Variants in CABLES1 observed in about 807,000 individuals in gnomAD.
CABLES1 encodes the protein Cdk5 and Abl enzyme substrate 1, also known as CDK5 and ABL1 enzyme substrate 1.
A neutral mutation model predicts 57.8 loss-of-function variants in CABLES1; 36 were observed. That is an observed-to-expected ratio of 0.62 (90% CI 0.48 to 0.82). CABLES1 has a LOEUF of 0.82. CABLES1 is among the 40% of genes least tolerant of loss of function. CABLES1 has a pLI of 0.00. For missense variants in CABLES1, 767 were observed against 836.6 expected, an observed-to-expected ratio of 0.92 and a Z score of 1.03; for synonymous variants, 374 against 363.0, an observed-to-expected ratio of 1.03 and a Z score of -0.35.
intron 1 of CABLES1, among the ~76,000 whole-genome samples, chr18:23,165,774 T>G (rs1292107935): frequency 1.3e-5 from 2 of 152,234 alleles, no homozygotes; most frequent in Admixed American, 1.3e-4. Context: ...CTTGGTTGCT[T>G]CCACTTTTCA....
At chr18:23,145,644 A>G (rs1038811371) in intron 1 of CABLES1, among the ~76,000 whole-genome samples, 1 of 152,220 alleles carries the variant, frequency 6.6e-6, no homozygotes, top group Non-Finnish European at 1.5e-5. Flanking sequence ...TTAGTATTAC[A>G]TACGGGAATC....
At position 23,191,906 on chromosome 18, in the gene CABLES1, T is replaced by TAAAA. The variant is rs147984743; in HGVS notation, c.918-2510_918-2507dup. ...TTCCCTGGTGATTTGGTTGAATGCTTAAAAAAAAAAAAAAAAAAAAAAAAA... is the reference window on the plus strand; with the variant it reads ...TTCCCTGGTGATTTGGTTGAATGCTTAAAAAAAAAAAAAAAAAAAAAAAAAAAAA... On this transcript the variant is annotated intron_variant, in intron 2 of 9. Transcript: ENST00000256925. 3.4e-4 allele frequency among the ~76,000 whole-genome samples: 28 copies of TAAAA among 82,614 alleles called. 2 individuals are homozygous for TAAAA. Among genetic ancestry groups the TAAAA allele is most frequent in the African/African-American group, 1.1e-3 (23 of 20,630 alleles). The allele number at this position is 82,614 out of a possible 152,430, so 54.2% of individuals were successfully genotyped here. A position where few individuals can be genotyped will look rare whatever the true frequency, so the allele number is the denominator to read the frequency against.
intron 1 of CABLES1, among the ~76,000 whole-genome samples, chr18:23,162,866 T>C (rs578185113): frequency 3.7e-4 from 57 of 152,320 alleles, no homozygotes; most frequent in African/African-American, 1.2e-3. Context: ...GCTGTTCATG[T>C]CCTGTGGACT....
At position 23,136,578 on chromosome 18, in the gene CABLES1, C is replaced by T. The variant is rs768294719; in HGVS notation, c.816C>T (p.Thr272=). 1 of 1,505,210 alleles carries T rather than the reference C, an allele frequency of 6.6e-7. No individual in the cohort carries two copies. The highest frequency in any genetic ancestry group is 8.8e-7 in the Non-Finnish European group (1 of 1,132,340). 93.2% of individuals were successfully genotyped at this position (1,505,210 alleles called of 1,614,324 possible). A position where few individuals can be genotyped will look rare whatever the true frequency, so the allele number is the denominator to read the frequency against. ...AGCAGCCAGGCCAGGGCGGCAGCAC[C>T]AGCGCCTTCGAGCAGCTGCAGAGGT... ...SLEQPGQGGS[T]SAFEQLQRSR... is the part of the protein sequence containing the mutation. The change falls in exon 1 of 10, where the codon ACC becomes ACT. Residue 272 remains threonine, a synonymous_variant. Coordinates refer to ENST00000256925, the MANE Select transcript of CABLES1 (RefSeq NM_001100619.3).
Position 23,199,023 on chromosome 18 carries a change from G to A in CABLES1, c.1010+4483G>A, listed in dbSNP as rs189742527. ...CTCCATTGACGAGAATGTGGGAGAT[G>A]AAAATCCATATGCAGTAAGATAGTG... On this transcript the variant is annotated intron_variant, in intron 3 of 9. Coordinates refer to ENST00000256925, the MANE Select transcript of CABLES1 (RefSeq NM_001100619.3). Among the ~76,000 whole-genome samples the A allele has an allele frequency of 3.6e-3, 546 of 152,324 alleles. 4 individuals carry two copies. The highest frequency in any genetic ancestry group is 0.011 in the African/African-American group (451 of 41,578).
In CABLES1 at chr18:23,194,556, A is replaced by G. The variant is rs191188162; in HGVS notation, c.1010+16A>G. 495 of 1,557,748 alleles carry G rather than the reference A, an allele frequency of 3.2e-4. 2 individuals are homozygous for G. In the East Asian group the frequency reaches 0.01, roughly 32 times the overall value. On this transcript the variant is annotated intron_variant, in intron 3 of 9. Transcript: ENST00000256925. Reference sequence around the variant, plus strand: ...GGAATGGCAGGTACTACATTCACACAGAAGCGGCTGCCAGCACCAGTGGGT... The same window carrying G: ...GGAATGGCAGGTACTACATTCACACGGAAGCGGCTGCCAGCACCAGTGGGT...
intron 1 of CABLES1, among the ~76,000 whole-genome samples, chr18:23,138,540 A>G (rs1235941619): frequency 6.6e-6 from 1 of 152,236 alleles, no homozygotes; most frequent in Non-Finnish European, 1.5e-5. Flanking sequence ...CACTGATTTA[A>G]GAAAGGCGGA....
intron 2 of CABLES1, chr18:23,190,359 G>A (rs1317132458): frequency 1.3e-5 from 2 of 152,216 alleles, no homozygotes; most frequent in South Asian, 4.1e-4. Flanking sequence ...GCTACTAGAA[G>A]CCATGGTCCT....
intron 3 of CABLES1, among the ~76,000 whole-genome samples, chr18:23,200,361 A>G (rs534204580): frequency 1.9e-4 from 29 of 151,842 alleles, no homozygotes; most frequent in Non-Finnish European, 3.7e-4. Context: ...CTAGGTTCAC[A>G]CCATTCTCCT....
At position 23,201,942 on chromosome 18, in the gene CABLES1, G is replaced by T. The variant is rs147970458; in HGVS notation, c.1010+7402G>T. ...CCTGGGGCTATCCCAGTGGGGAAGC[G>T]CATGCGCCCTGATGGAACAGCAGTC... On this transcript the variant is annotated intron_variant, in intron 3 of 9. Coordinates refer to ENST00000256925, the MANE Select transcript of CABLES1 (RefSeq NM_001100619.3). Among the ~76,000 whole-genome samples the T allele has an allele frequency of 1.1e-3, 166 of 152,350 alleles. 1 individual carries two copies. The highest frequency in any genetic ancestry group is 3.9e-3 in the African/African-American group (163 of 41,580).
At chr18:23,156,672 T>C (rs2046968125) in intron 1 of CABLES1, among the ~76,000 whole-genome samples, 1 of 152,222 alleles carries the variant, frequency 6.6e-6, no homozygotes, top group Non-Finnish European at 1.5e-5. Flanking sequence ...ATCTGATCAA[T>C]GTATACCTTG....
chr18:23,137,025 C>G (rs2144942875), intron 1 of CABLES1, among the ~76,000 whole-genome samples: 1 of 152,354 alleles, frequency 6.6e-6, no homozygotes, highest in East Asian at 1.9e-4. Flanking sequence ...AGCTGAGCGG[C>G]GCGTGTGAGC....
chr18:23,135,468 A>C (rs992911190), upstream of CABLES1: 1 of 151,706 alleles, frequency 6.6e-6, no homozygotes, highest in Non-Finnish European at 1.5e-5. Context: ...AAATACGGAC[A>C]CCCGGCCCCG....
chr18:23,145,430 T>G (rs970437223), intron 1 of CABLES1, among the ~76,000 whole-genome samples: 2 of 152,212 alleles, frequency 1.3e-5, no homozygotes, highest in African/African-American at 4.8e-5. Flanking sequence ...CTTTGGGGGC[T>G]GTGCAAAATG....
chr18:23,153,994 C>G (rs1017501819), intron 1 of CABLES1, among the ~76,000 whole-genome samples: 1 of 152,134 alleles, frequency 6.6e-6, no homozygotes, highest in Admixed American at 6.5e-5. Flanking sequence ...TCACACCACC[C>G]ACTCCAGCCT....
chr18:23,246,487 G>A (rs1366088615), intron 7 of CABLES1, among the ~76,000 whole-genome samples: 1 of 152,016 alleles, frequency 6.6e-6, no homozygotes, highest in Admixed American at 6.5e-5. Flanking sequence ...CGCCTCCCGG[G>A]TTCACGCCAT....
chr18:23,135,914 C>G lies in CABLES1; in HGVS notation c.152C>G (p.Pro51Arg). The change falls in exon 1 of 10, where the codon CCC becomes CGC. Residue 51 changes from proline (P) to arginine (R), a missense_variant. Pro to Arg is a moderately radical substitution (Grantham distance 103). This residue lies in a region of CABLES1 where 198 missense variants were observed against 149.7 expected (regional missense o/e 1.32). Transcript: ENST00000256925. ...GCGCCGGCCCAGCCGCCGCCCGAAC[C>G]CCCCCGGAAGCCGCGCATGGACCCG... is the stretch of plus-strand genomic sequence containing the variant. ...AAAPAQPPPEPPRKPRMDPRR... is the reference protein window; with the variant it reads ...AAAPAQPPPERPRKPRMDPRR... 9.2e-7 allele frequency: 1 copy of G among 1,090,768 alleles called. No homozygotes were observed. Among genetic ancestry groups the G allele is most frequent in the Non-Finnish European group, 1.1e-6 (1 of 902,046 alleles). 67.6% of individuals were successfully genotyped at this position (1,090,768 alleles called of 1,614,324 possible).
Position 23,135,660 on chromosome 18 carries a change from C to A in CABLES1, c.-103C>A. 5.2e-6 allele frequency: 5 copies of A among 954,574 alleles called. No homozygotes were observed. The highest frequency in any genetic ancestry group is 6.2e-6 in the Non-Finnish European group (5 of 803,516). The allele number at this position is 954,574 out of a possible 1,614,324, so 59.1% of individuals were successfully genotyped here. ...CGCCGCGCACGCCGCCCGATCCCCG[C>A]GCCCTACCCAGCCCGGGTCGCCGCC... On this transcript the variant is annotated 5_prime_UTR_variant, in exon 1 of 10. Transcript: ENST00000256925.
chr18:23,135,052 A>G (rs1025383500), upstream of CABLES1, among the ~76,000 whole-genome samples: 2 of 152,132 alleles, frequency 1.3e-5, no homozygotes, highest in Non-Finnish European at 1.5e-5. Context: ...TCGCAGTCCA[A>G]AACTCTGCAA....
Sources: gnomAD v4.1 joint callset for allele counts (sites outside exome capture counted in the v4.1 genomes callset) on GRCh38, gnomAD v4.1.1 for gene constraint, gnomAD v4.1.1 regional missense constraint, MANE v1.5 for transcripts, NCBI Gene and HGNC (gene_info 2026-07-23, HGNC 2026-07-21) for gene names.